ADAMTSL3: variants seen among roughly 807,000 people sequenced by gnomAD.
The protein encoded by ADAMTSL3 is ADAMTS like 3.
Under a neutral mutation model 201.7 loss-of-function variants are expected in ADAMTSL3, and 128 were observed. The observed-to-expected ratio is 0.63, with a 90% CI of 0.55 to 0.73. ADAMTSL3 has a LOEUF of 0.73. ADAMTSL3 is among the 30% of genes least tolerant of loss of function. The pLI is 0.00. For missense variants in ADAMTSL3, 1,990 were observed against 2,119.6 expected, an observed-to-expected ratio of 0.94 and a Z score of 1.20; for synonymous variants, 738 against 748.4, an observed-to-expected ratio of 0.99 and a Z score of 0.23.
intron 2 of ADAMTSL3, among the ~76,000 whole-genome samples, chr15:83,686,687 T>C (rs2061540829): frequency 6.6e-6 from 1 of 152,142 alleles, no homozygotes; most frequent in African/African-American, 2.4e-5. Context: ...CCCCTTTAGG[T>C]ATCATCTCCT....
intron 3 of ADAMTSL3, among the ~76,000 whole-genome samples, chr15:83,734,399 TTTTTG>T (rs145967051): frequency 0.014 from 2,137 of 152,284 alleles, 40 homozygotes; most frequent in African/African-American, 0.048. Context: ...CATGTTAACT[TTTTTG>T]TTTTAAATTT....
In ADAMTSL3 at chr15:83,997,591, A is replaced by AAAAAC. The variant is rs565600124; in HGVS notation, c.3973+6398_3973+6402dup. On this transcript the variant is annotated intron_variant, in intron 23 of 29. Transcript: ENST00000286744. ...GCAACAAGAATAAGACTCCGTCTCA[A>AAAAAC]AAAACAAAACAAAACAAAACAAAAC... Among the ~76,000 whole-genome samples the AAAAAC allele has an allele frequency of 4.0e-3, 607 of 152,354 alleles. 4 individuals carry two copies. Among genetic ancestry groups the AAAAAC allele is most frequent in the Non-Finnish European group, 6.7e-3 (456 of 68,032 alleles).
chr15:83,809,875 C>T (rs551459190), intron 5 of ADAMTSL3, among the ~76,000 whole-genome samples: 84 of 152,168 alleles, frequency 5.5e-4, no homozygotes, highest in South Asian at 2.1e-4. Context: ...TTTCTCCCTT[C>T]TCTGTCCCAA....
At chr15:83,938,530 A>C (rs1031417319) in intron 17 of ADAMTSL3, among the ~76,000 whole-genome samples, 2 of 152,194 alleles carry the variant, frequency 1.3e-5, no homozygotes, top group African/African-American at 4.8e-5. Flanking sequence ...TAAAGCTGTC[A>C]TTTTAAAAAA....
intron 9 of ADAMTSL3, among the ~76,000 whole-genome samples, chr15:83,878,964 A>G (rs544726080): frequency 7.9e-5 from 12 of 152,126 alleles, no homozygotes; most frequent in Admixed American, 6.5e-5. Flanking sequence ...AAAGATACAG[A>G]TTCTTTAGAT....
chr15:83,758,569 G>T (rs1368786843), intron 3 of ADAMTSL3, among the ~76,000 whole-genome samples: 1 of 152,158 alleles, frequency 6.6e-6, no homozygotes, highest in African/African-American at 2.4e-5. Context: ...TTTTATAATA[G>T]TCATCCTAAT....
intron 17 of ADAMTSL3, among the ~76,000 whole-genome samples, chr15:83,930,083 A>G (rs1488262516): frequency 6.6e-6 from 1 of 152,176 alleles, no homozygotes; most frequent in Non-Finnish European, 1.5e-5. Flanking sequence ...TTGGAAATGG[A>G]TCAGGGACAT....
Position 83,898,010 on chromosome 15 carries a change from G to A in ADAMTSL3, c.1615+5G>A, listed in dbSNP as rs1016666631. 2 of 1,611,370 alleles carry A rather than the reference G, an allele frequency of 1.2e-6. No individual in the cohort carries two copies. The highest frequency in any genetic ancestry group is 1.7e-6 in the Non-Finnish European group (2 of 1,178,440). On this transcript the variant is annotated splice_donor_5th_base_variant and intron_variant, in intron 14 of 29. Transcript: ENST00000286744. The stretch of plus-strand genomic sequence containing the variant: ...TCCCGTGTTATAAACCAAAAGGTAA[G>A]TCTGTGGTGCACTGTAAATTCAAAT...
At chr15:83,917,712 T>C (rs8029016) in intron 16 of ADAMTSL3, among the ~76,000 whole-genome samples, 94,770 of 151,446 alleles carry the variant, frequency 0.63, 30,714 homozygotes, top group African/African-American at 0.79. Context: ...AGTATATATA[T>C]GGACATTTGA....
intron 4 of ADAMTSL3, among the ~76,000 whole-genome samples, chr15:83,797,870 G>T (rs1596228066): frequency 6.6e-6 from 1 of 152,138 alleles, no homozygotes. Context: ...GGTGGTTTAA[G>T]ATTGCTCATT....
At chr15:83,669,349 T>C (rs1216797754) in intron 2 of ADAMTSL3, among the ~76,000 whole-genome samples, 1 of 150,778 alleles carries the variant, frequency 6.6e-6, no homozygotes, top group African/African-American at 2.5e-5. Flanking sequence ...TTTCACCATA[T>C]TGGCCAGGCT....
chr15:83,847,072 A>G (rs2064513588), intron 7 of ADAMTSL3, among the ~76,000 whole-genome samples: 1 of 152,214 alleles, frequency 6.6e-6, no homozygotes, highest in South Asian at 2.1e-4. Context: ...ATGTTTCTGC[A>G]TAGGAGCTAA....
intron 12 of ADAMTSL3, 56 bp from the exon 13 acceptor site, chr15:83,892,628 G>A (rs2065530861): frequency 6.5e-7 from 1 of 1,536,734 alleles, no homozygotes; most frequent in African/African-American, 1.4e-5. Context: ...CACCATCTTT[G>A]CAAACTTCAA....
rs541280797 is a variant in ADAMTSL3, at chr15:83,881,810, G to A, written c.961-3291G>A. 2.0e-5 allele frequency among the ~76,000 whole-genome samples: 3 copies of A among 151,260 alleles called. No individual in the cohort carries two copies. The East Asian group carries it at 5.9e-4, about 29-fold the overall frequency. On this transcript the variant is annotated intron_variant, in intron 9 of 29. Transcript: ENST00000286744. ...GCGAAGGTTGCAGTGAGCTGAGATC[G>A]CACCACTGTTCTCCAGCCTGAGTAA...
At chr15:83,828,425 G>A (rs571478050) in intron 6 of ADAMTSL3, among the ~76,000 whole-genome samples, 90 of 152,282 alleles carry the variant, frequency 5.9e-4, no homozygotes, top group African/African-American at 2.0e-3. Flanking sequence ...GGAGATTTTG[G>A]GCTGAGACGA....
chr15:83,826,341 T>TC (rs1289226684), intron 6 of ADAMTSL3, among the ~76,000 whole-genome samples: 2 of 152,004 alleles, frequency 1.3e-5, no homozygotes, highest in African/African-American at 4.8e-5. Context: ...CAGGCTGATC[T>TC]CCAAGTCCTG....
intron 4 of ADAMTSL3, among the ~76,000 whole-genome samples, chr15:83,795,755 G>T (rs982332558): frequency 3.3e-5 from 5 of 152,040 alleles, no homozygotes; most frequent in African/African-American, 1.2e-4. Flanking sequence ...AAACATTTAC[G>T]TGGGAAATTA....
chr15:83,810,452 A>T (rs564547386), intron 5 of ADAMTSL3, among the ~76,000 whole-genome samples: 1 of 152,288 alleles, frequency 6.6e-6, no homozygotes, highest in South Asian at 2.1e-4. Context: ...CACCTTTTTC[A>T]TGGGTGCATT....
At chr15:83,929,751 G>C (rs1553645) in intron 17 of ADAMTSL3, among the ~76,000 whole-genome samples, 115,823 of 150,052 alleles carry the variant, frequency 0.77, 44,816 homozygotes, top group African/African-American at 0.82. Context: ...CACACACACA[G>C]AGAGACAGAG....
Sources: gnomAD v4.1 joint callset for allele counts (sites outside exome capture counted in the v4.1 genomes callset) on GRCh38, gnomAD v4.1.1 for gene constraint, MANE v1.5 for transcripts, NCBI Gene and HGNC (gene_info 2026-07-23, HGNC 2026-07-21) for gene names.